Variants in ARHGAP28 observed in about 807,000 individuals in gnomAD.
The protein encoded by ARHGAP28 is rho GTPase-activating protein 28.
In ARHGAP28, 56 loss-of-function variants were observed where a neutral mutation model predicts 90.7. The ratio of observed to expected loss-of-function variants is 0.62; its 90% CI spans 0.50 to 0.77. The LOEUF is 0.77. ARHGAP28 is among the 30% of genes least tolerant of loss of function. The pLI is 0.00. For synonymous variants in ARHGAP28, 308 were observed against 323.3 expected (o/e 0.95, Z 0.51); for missense variants, 869 against 900.9 (o/e 0.96, Z 0.45).
chr18:6,883,272 A>G (rs1600283799), intron 11 of ARHGAP28, among the ~76,000 whole-genome samples: 1 of 147,806 alleles, frequency 6.8e-6, no homozygotes, highest in African/African-American at 2.5e-5. Context: ...AGAGTGTCGC[A>G]CTGTTGCCCA....
chr18:6,761,670 A>G (rs2056161092), intron 1 of ARHGAP28, among the ~76,000 whole-genome samples: 1 of 152,226 alleles, frequency 6.6e-6, no homozygotes, highest in African/African-American at 2.4e-5. Flanking sequence ...AGTAAAGCCA[A>G]CAAGCCAAGC....
intron 1 of ARHGAP28, among the ~76,000 whole-genome samples, chr18:6,806,881 G>GT (rs1256019963): frequency 6.6e-6 from 1 of 151,934 alleles, no homozygotes; most frequent in African/African-American, 2.4e-5. Context: ...TTTTCATTGG[G>GT]TTGATAGTTT....
intron 2 of ARHGAP28, among the ~76,000 whole-genome samples, 197 bp downstream of exon 2, chr18:6,825,161 A>G (rs1262224730): frequency 1.3e-5 from 2 of 152,196 alleles, no homozygotes; most frequent in Non-Finnish European, 1.5e-5. Flanking sequence ...CCCAGGTGAC[A>G]TGACCCAAGG....
chr18:6,911,406 T>C (rs1234045357), intron 17 of ARHGAP28, among the ~76,000 whole-genome samples: 1 of 137,252 alleles, frequency 7.3e-6, no homozygotes, highest in Non-Finnish European at 1.6e-5. Context: ...TATGCTAATA[T>C]ACCTGAAACA....
chr18:6,838,036 A>C (rs2056767799), intron 3 of ARHGAP28, among the ~76,000 whole-genome samples: 2 of 152,136 alleles, frequency 1.3e-5, no homozygotes, highest in South Asian at 4.1e-4. Flanking sequence ...CTATGTCTAC[A>C]TTTGTTTTAC....
chr18:6,840,401 C>T (rs1330591070), intron 3 of ARHGAP28, among the ~76,000 whole-genome samples: 2 of 152,206 alleles, frequency 1.3e-5, no homozygotes, highest in Non-Finnish European at 2.9e-5. Flanking sequence ...CTGTTCTCTT[C>T]AGATTTCCTA....
intron 1 of ARHGAP28, among the ~76,000 whole-genome samples, chr18:6,763,985 T>A (rs2056181494): frequency 6.6e-6 from 1 of 152,196 alleles, no homozygotes; most frequent in Non-Finnish European, 1.5e-5. Flanking sequence ...TACAATCTAG[T>A]TGGCTGTTTT....
rs113399592 is a variant in ARHGAP28, at chr18:6,776,747, T to C, written c.122+46804T>C. Among the ~76,000 whole-genome samples the C allele has an allele frequency of 7.7e-3, 1,176 of 152,270 alleles. 14 individuals are homozygous for C. The highest frequency in any genetic ancestry group is 0.027 in the African/African-American group (1,119 of 41,556). ...CGGGGTGTCAGAGTGGTACATAGGT[T>C]ATTCTTTCAGTCGGTGGTAGATCGG... On this transcript the variant is annotated intron_variant, in intron 1 of 17. Transcript: ENST00000383472.
intron 2 of ARHGAP28, among the ~76,000 whole-genome samples, chr18:6,832,756 T>C (rs889891994): frequency 1.3e-5 from 2 of 152,036 alleles, no homozygotes; most frequent in Non-Finnish European, 2.9e-5. Flanking sequence ...TTGCAAGATA[T>C]ATCTTATTTC....
At position 6,915,211 on chromosome 18, in the gene ARHGAP28, C is replaced by G. The variant is rs1423309260; in HGVS notation, c.*3057C>G. ...TTGAGTTTCTAACCATGTGCAGATG[C>G]AAGCGTTCAGGAGTAGGAATTAATG... On this transcript the variant is annotated 3_prime_UTR_variant, in exon 18 of 18. Coordinates refer to ENST00000383472, the MANE Select transcript of ARHGAP28 (RefSeq NM_001366230.1). 1 of 152,212 alleles carries G rather than the reference C, an allele frequency of 6.6e-6. No homozygotes were observed. The allele number at this position is 152,212 out of a possible 1,614,324, so 9.4% of individuals were successfully genotyped here.
chr18:6,893,872 T>TTCG (rs1567985637), intron 14 of ARHGAP28, among the ~76,000 whole-genome samples: 2 of 149,212 alleles, frequency 1.3e-5, no homozygotes, highest in African/African-American at 4.9e-5. Flanking sequence ...TTTTGGTTTT[T>TTCG]TTTTTTTTTT....
At position 6,783,556 on chromosome 18, in the gene ARHGAP28, C is replaced by T. The variant is rs926726303; in HGVS notation, c.123-41206C>T. Reference sequence around the variant, plus strand: ...CCTCAGGTGATCTGCCTGCCTCAGCCTCCCAAAGTGCTGGGATTACAGGCG... The same window carrying T: ...CCTCAGGTGATCTGCCTGCCTCAGCTTCCCAAAGTGCTGGGATTACAGGCG... On this transcript the variant is annotated intron_variant, in intron 1 of 17. Coordinates refer to ENST00000383472, the MANE Select transcript of ARHGAP28 (RefSeq NM_001366230.1). Among the ~76,000 whole-genome samples the T allele has an allele frequency of 3.9e-4, 57 of 144,328 alleles. 2 individuals are homozygous for T. The highest frequency in any genetic ancestry group is 2.8e-3 in the Admixed American group (42 of 14,962). 94.7% of individuals were successfully genotyped at this position (144,328 alleles called of 152,430 possible). A position where few individuals can be genotyped will look rare whatever the true frequency, so the allele number is the denominator to read the frequency against.
intron 1 of ARHGAP28, among the ~76,000 whole-genome samples, chr18:6,738,594 A>G (rs2055948394): frequency 8.1e-6 from 1 of 123,368 alleles, no homozygotes; most frequent in Non-Finnish European, 1.8e-5. Context: ...GGCTAGAAAA[A>G]ATTCTCAACA....
chr18:6,792,016 C>G (rs989920464), intron 1 of ARHGAP28, among the ~76,000 whole-genome samples: 2 of 151,992 alleles, frequency 1.3e-5, no homozygotes, highest in South Asian at 2.1e-4. Flanking sequence ...AGGCTGGTCT[C>G]GAACTCCTGA....
intron 1 of ARHGAP28, among the ~76,000 whole-genome samples, chr18:6,819,108 AT>A (rs1567957656): frequency 6.6e-6 from 1 of 152,240 alleles, no homozygotes; most frequent in Non-Finnish European, 1.5e-5. Flanking sequence ...ATAAAGGCCC[AT>A]AGAGTATTTC....
At chr18:6,873,822 A>C in intron 9 of ARHGAP28, 47 bp downstream of exon 9, 1 of 1,499,522 alleles carries the variant, frequency 6.7e-7, no homozygotes, top group Non-Finnish European at 9.2e-7. Context: ...CCTCATGCTT[A>C]TGATTTGGCA....
intron 2 of ARHGAP28, among the ~76,000 whole-genome samples, chr18:6,829,369 G>T (rs1347019976): frequency 6.6e-6 from 1 of 152,128 alleles, no homozygotes; most frequent in African/African-American, 2.4e-5. Context: ...TTCTCCAATA[G>T]TGATAAACCT....
intron 1 of ARHGAP28, among the ~76,000 whole-genome samples, chr18:6,764,561 A>G (rs1470923451): frequency 2.0e-5 from 3 of 152,144 alleles, no homozygotes; most frequent in Non-Finnish European, 4.4e-5. Context: ...ACATTGTTGT[A>G]ATAACCCCTC....
intron 1 of ARHGAP28, among the ~76,000 whole-genome samples, chr18:6,743,838 G>A (rs570656062): frequency 6.6e-6 from 1 of 152,310 alleles, no homozygotes; most frequent in Non-Finnish European, 1.5e-5. Flanking sequence ...TATGCCATAT[G>A]TGATATTGGA....
Sources: allele counts gnomAD v4.1 joint callset (sites outside exome capture counted in the v4.1 genomes callset), GRCh38; gene constraint gnomAD v4.1.1; transcripts MANE v1.5; gene names NCBI Gene and HGNC (gene_info 2026-07-23, HGNC 2026-07-21).